Variants in PAM observed in about 807,000 individuals in gnomAD.
The protein encoded by PAM is peptidylglycine alpha-amidating monooxygenase, also known as peptidyl-glycine alpha-amidating monooxygenase.
In PAM, 72 loss-of-function variants were observed where a neutral mutation model predicts 122.1. The observed-to-expected ratio is 0.59, with a 90% CI of 0.49 to 0.72. The LOEUF (loss-of-function observed/expected upper bound fraction) is 0.72. Ranked by LOEUF, PAM falls within the 30% of genes least tolerant of loss-of-function variation. The probability of loss-of-function intolerance (pLI) is 0.00; values close to 1 mark genes in which losing one functional copy is unlikely to be tolerated. For synonymous variants in PAM, 389 were observed against 404.4 expected, an observed-to-expected ratio of 0.96 and a Z score of 0.46; for missense variants, 1,106 against 1,183.7, an observed-to-expected ratio of 0.93 and a Z score of 0.96.
intron 12 of PAM, among the ~76,000 whole-genome samples, chr5:102,954,057 AAGAT>A (rs1265732979): frequency 1.3e-5 from 2 of 152,150 alleles, no homozygotes; most frequent in Non-Finnish European, 2.9e-5. Context: ...TATTAAAAAA[AAGAT>A]AGGTAAGCAA....
chr5:102,780,816 T>TTTCC (rs1758678837), intron 1 of PAM, among the ~76,000 whole-genome samples: 1 of 144,014 alleles, frequency 6.9e-6, no homozygotes, highest in African/African-American at 2.6e-5. Context: ...TCTTTCTTTC[T>TTTCC]TTCTTTCTTT....
chr5:102,834,686 C>G (rs1324358928), intron 1 of PAM, among the ~76,000 whole-genome samples: 1 of 152,048 alleles, frequency 6.6e-6, no homozygotes, highest in East Asian at 1.9e-4. Context: ...GAGGAAACAG[C>G]AAGTGCAAAG....
chr5:102,916,507 A>G (rs1316528326), intron 5 of PAM, among the ~76,000 whole-genome samples: 1 of 151,632 alleles, frequency 6.6e-6, no homozygotes, highest in Non-Finnish European at 1.5e-5. Flanking sequence ...TCATCTTTTA[A>G]CCAAGCCCAA....
At chr5:102,820,572 A>G (rs1771528022) in intron 1 of PAM, among the ~76,000 whole-genome samples, 1 of 152,206 alleles carries the variant, frequency 6.6e-6, no homozygotes, top group African/African-American at 2.4e-5. Flanking sequence ...AGAAAAAAAG[A>G]TAACTATTTC....
At chr5:102,821,100 T>G (rs1436293464) in intron 1 of PAM, among the ~76,000 whole-genome samples, 1 of 152,196 alleles carries the variant, frequency 6.6e-6, no homozygotes, top group Non-Finnish European at 1.5e-5. Context: ...AAACTCTGAA[T>G]TAGATTTTCA....
chr5:102,816,910 G>T (rs1027735160), intron 1 of PAM, among the ~76,000 whole-genome samples: 1 of 152,014 alleles, frequency 6.6e-6, no homozygotes, highest in Admixed American at 6.6e-5. Flanking sequence ...TCTGCTTGGG[G>T]TATCTAATAA....
intron 3 of PAM, among the ~76,000 whole-genome samples, chr5:102,881,129 T>TATACACACACACACACACAC (rs145380302): frequency 2.3e-4 from 33 of 145,800 alleles, no homozygotes; most frequent in African/African-American, 8.3e-4. Context: ...TTTTTATACA[T>TATACACACACACACACACAC]ACACACACAC....
At chr5:102,825,974 C>T (rs182507091) in intron 1 of PAM, among the ~76,000 whole-genome samples, 63 of 152,242 alleles carry the variant, frequency 4.1e-4, no homozygotes, top group Middle Eastern at 6.8e-3. Context: ...TACAATTTCC[C>T]GGCTTTGGAT....
chr5:102,907,543 CCA>C (rs1799945262), intron 4 of PAM, among the ~76,000 whole-genome samples: 1 of 150,876 alleles, frequency 6.6e-6, no homozygotes, highest in African/African-American at 2.4e-5. Flanking sequence ...TGAGGAATTG[CCA>C]CACTGACTTC....
chr5:102,948,291 C>A, intron 8 of PAM, 87 bp from the exon 9 acceptor site: 1 of 665,446 alleles, frequency 1.5e-6, no homozygotes, highest in Non-Finnish European at 2.7e-6. Context: ...ATTTTATAAA[C>A]CAAAGTATTG....
chr5:102,955,342 T>C (rs1011783336), intron 12 of PAM, among the ~76,000 whole-genome samples: 1 of 152,004 alleles, frequency 6.6e-6, no homozygotes, highest in Non-Finnish European at 1.5e-5. Context: ...TAAACAGATA[T>C]GGATATAAAT....
intron 1 of PAM, chr5:102,838,297 C>T (rs1455264552): frequency 1.3e-5 from 2 of 151,960 alleles, no homozygotes; most frequent in African/African-American, 4.8e-5. Context: ...GTTCTTTGGA[C>T]ATTGATTACT....
At chr5:102,871,793 C>A (rs1787604406) in intron 3 of PAM, among the ~76,000 whole-genome samples, 1 of 146,238 alleles carries the variant, frequency 6.8e-6, no homozygotes, top group South Asian at 2.2e-4. Context: ...TGTCTACTTT[C>A]CTAAGGACTT....
At chr5:102,914,410 C>T (rs1802490071) in intron 5 of PAM, among the ~76,000 whole-genome samples, 2 of 152,020 alleles carry the variant, frequency 1.3e-5, no homozygotes, top group Admixed American at 6.6e-5. Flanking sequence ...TACCATGTAA[C>T]ATGTTCCCCT....
chr5:103,022,140 CTTTCAAT>C (rs777413382), intron 23 of PAM, among the ~76,000 whole-genome samples: 2 of 143,110 alleles, frequency 1.4e-5, no homozygotes, highest in African/African-American at 5.2e-5. Flanking sequence ...TGGCCAATCA[CTTTCAAT>C]AAAACTTTTA....
chr5:102,949,795 A>C, intron 10 of PAM, 107 bp from the exon 11 acceptor site: 1 of 712,430 alleles, frequency 1.4e-6, no homozygotes, highest in East Asian at 2.7e-5. Flanking sequence ...CAGTCTTTGC[A>C]GCTCTGAAAA....
rs747006961 is a variant in PAM at position 102,974,318 on chromosome 5, A to G, written c.1365A>G (p.Arg455=). 5 of 1,613,650 alleles carry G rather than the reference A, an allele frequency of 3.1e-6. No individual in the cohort carries two copies. The highest frequency in any genetic ancestry group is 4.2e-6 in the Non-Finnish European group (5 of 1,179,540). Residue 455 remains arginine, a synonymous_variant, in exon 15 of 26, where the codon AGA becomes AGG. Coordinates refer to ENST00000438793, the MANE Select transcript of PAM (RefSeq NM_001177306.2). ...EHERGNAILV[R]DRIHKFHRLV... ...AGAGGGGTAATGCTATTCTTGTCAG[A>G]GACAGAATTCACAAATTCCACAGAC...
intron 1 of PAM, among the ~76,000 whole-genome samples, chr5:102,842,397 A>G (rs1475113568): frequency 3.3e-5 from 5 of 152,238 alleles, no homozygotes; most frequent in Non-Finnish European, 7.4e-5. Context: ...ATGATAGCGA[A>G]TAAGTCTCAT....
chr5:102,941,057 TA>T (rs1308475170), intron 7 of PAM, among the ~76,000 whole-genome samples: 3 of 152,192 alleles, frequency 2.0e-5, no homozygotes, highest in Non-Finnish European at 4.4e-5. Flanking sequence ...TTTTGAGAGA[TA>T]AAATAGTATA....
Sources: allele counts gnomAD v4.1 joint callset (sites outside exome capture counted in the v4.1 genomes callset), GRCh38; gene constraint gnomAD v4.1.1; transcripts MANE v1.5; gene names NCBI Gene and HGNC (gene_info 2026-07-23, HGNC 2026-07-21).